Variants in ITGA6 observed in about 807,000 individuals in gnomAD.
The protein encoded by ITGA6 is integrin subunit alpha 6, also known as integrin alpha-6.
In ITGA6, 63 loss-of-function variants were observed where a neutral mutation model predicts 133.6. That is an observed-to-expected ratio of 0.47 (90% CI 0.38 to 0.58). The LOEUF (loss-of-function observed/expected upper bound fraction) is 0.58, where lower values mean the gene tolerates loss of function less well. Among genes scored for constraint, ITGA6 ranks in the 20% least tolerant of loss-of-function variants. The probability of loss-of-function intolerance (pLI) is 0.00; values close to 1 mark genes in which losing one functional copy is unlikely to be tolerated. For missense variants in ITGA6, 1,068 were observed against 1,309.4 expected (o/e 0.82, Z 2.85); for synonymous variants, 434 against 482.0 (o/e 0.90, Z 1.30).
Position 172,475,687 on chromosome 2 carries a change from T to A in ITGA6, c.1269+2T>A. 1 of 1,520,038 alleles carries A rather than the reference T, an allele frequency of 6.6e-7. No individual in the cohort carries two copies. The highest frequency in any genetic ancestry group is 9.1e-7 in the Non-Finnish European group (1 of 1,094,338). 94.2% of individuals were successfully genotyped at this position (1,520,038 alleles called of 1,614,324 possible). A position where few individuals can be genotyped will look rare whatever the true frequency, so the allele number is the denominator to read the frequency against. ...GGAATAAATACCAAACCAACACAGG[T>A]AACCAAATAACCGGGATTTCTACAG... On this transcript the variant is annotated splice_donor_variant, in intron 8 of 25. Transcript: ENST00000684293. LOFTEE classifies it high-confidence loss of function.
In ITGA6 at chr2:172,491,095, A is replaced by G. The variant is rs906310965; in HGVS notation, c.2751A>G (p.Leu917=). 6.4e-7 allele frequency: 1 copy of G among 1,570,482 alleles called. No homozygotes were observed. ...TAGATGATAACAGAAAATTTTCTTT[A>G]TTTGCTGAAAGAAAATACCAGACTC... ...KQIDDNRKFS[L]FAERKYQTLN... Residue 917 remains leucine (L), a synonymous_variant, in exon 21 of 26, where the codon TTA becomes TTG. Coordinates refer to ENST00000684293, the MANE Select transcript of ITGA6 (RefSeq NM_000210.4). This position sits in a 1 kb window ranked among gnomAD's most constrained non-coding sequence, Gnocchi z 4.4.
In ITGA6 at chr2:172,465,667, C is replaced by T. The variant is rs368230656; in HGVS notation, c.307+4C>T. 6.8e-6 allele frequency: 11 copies of T among 1,614,014 alleles called. No homozygotes were observed. The highest frequency in any genetic ancestry group is 6.7e-5 in the African/African-American group (5 of 74,942). ...CGGATCGAGTTTGATAACGATGGTG[C>T]GTTCCTTTCCCTCACTCAGCGTTCA... is the stretch of plus-strand genomic sequence containing the variant. On this transcript the variant is annotated splice_donor_region_variant and intron_variant, in intron 2 of 25. Transcript: ENST00000684293.
rs1372698008 is a variant in ITGA6 at position 172,427,939 on chromosome 2, C to A, written c.151C>A (p.His51Asn). The change falls in exon 1 of 26, where the codon CAC becomes AAC. Residue 51 changes from histidine (H) to asparagine (N), a missense_variant. His to Asn is a moderately conservative substitution (Grantham distance 68). Transcript: ENST00000684293. ...GSLFGFSLAM[H>N]WQLQPEDKRL... Reference sequence around the variant, plus strand: ...CCTCTTCGGCTTCTCGCTGGCCATGCACTGGCAACTGCAGCCCGAGGACAA... The same window carrying A: ...CCTCTTCGGCTTCTCGCTGGCCATGAACTGGCAACTGCAGCCCGAGGACAA... 2 of 1,606,768 alleles carry A rather than the reference C, an allele frequency of 1.2e-6. No individual in the cohort carries two copies. The highest frequency in any genetic ancestry group is 1.7e-6 in the Non-Finnish European group (2 of 1,177,062).
rs148506803 is a variant in ITGA6, at chr2:172,505,425, A to G, written c.*1357A>G. ...CAGTTAATCAGTGAGTCGATGTTCT[A>G]TTTTTTGTTTTGTTTCCTCCCCTAT... is the stretch of plus-strand genomic sequence containing the variant. On this transcript the variant is annotated 3_prime_UTR_variant, in exon 26 of 26. Coordinates refer to ENST00000684293, the MANE Select transcript of ITGA6 (RefSeq NM_000210.4). 13 of 152,228 alleles carry G rather than the reference A, an allele frequency of 8.5e-5. No homozygotes were observed. Among genetic ancestry groups the G allele is most frequent in the African/African-American group, 2.9e-4 (12 of 41,548 alleles). The allele number at this position is 152,228 out of a possible 1,614,324, so 9.4% of individuals were successfully genotyped here.
chr2:172,486,398 T>C (rs955709886), intron 13 of ITGA6, among the ~76,000 whole-genome samples: 2 of 152,138 alleles, frequency 1.3e-5, no homozygotes, highest in Non-Finnish European at 2.9e-5. Context: ...ATGTTAATAT[T>C]ACTTGTGTAC....
Position 172,481,061 on chromosome 2 carries a change from C to T in ITGA6, c.1549+1010C>T, listed in dbSNP as rs570512766. ...TGAAAAGAATGAGGAAATTCTCAACCCGGGTCCGGCCATGGTCCTGGCAGT... is the reference window on the plus strand; with the variant it reads ...TGAAAAGAATGAGGAAATTCTCAACTCGGGTCCGGCCATGGTCCTGGCAGT... On this transcript the variant is annotated intron_variant, in intron 11 of 25. Coordinates refer to ENST00000684293, the MANE Select transcript of ITGA6 (RefSeq NM_000210.4). 3.3e-5 allele frequency: 5 copies of T among 152,272 alleles called. No homozygotes were observed. The East Asian group carries it at 7.7e-4, about 23-fold the overall frequency. 9.4% of individuals were successfully genotyped at this position (152,272 alleles called of 1,614,324 possible).
At chr2:172,431,524 G>A (rs76264695) in intron 1 of ITGA6, among the ~76,000 whole-genome samples, 7,685 of 152,220 alleles carry the variant, frequency 0.05, 339 homozygotes, top group East Asian at 0.25. Context: ...TTCTGGGTCC[G>A]TCCTTCTTTG....
intron 1 of ITGA6, among the ~76,000 whole-genome samples, chr2:172,430,700 CTA>C (rs1479196855): frequency 1.3e-5 from 2 of 152,216 alleles, no homozygotes; most frequent in Non-Finnish European, 1.5e-5. Flanking sequence ...GCTTTGGAGA[CTA>C]TAAAATTGAA....
rs747097249 is a variant in ITGA6 at position 172,489,673 on chromosome 2, T to G, written c.2679+15T>G. On this transcript the variant is annotated intron_variant, in intron 20 of 25. Transcript: ENST00000684293. The stretch of plus-strand genomic sequence containing the variant: ...TGAACCTAACGGTATGTCGGTAGAT[T>G]TATCTAATGTCTCCATAAATGCAAA... The G allele has an allele frequency of 2.5e-6, 4 of 1,606,154 alleles. No homozygotes were observed. Among genetic ancestry groups the G allele is most frequent in the Non-Finnish European group, 3.4e-6 (4 of 1,173,122 alleles).
At chr2:172,430,490 CT>C (rs1684061919) in intron 1 of ITGA6, among the ~76,000 whole-genome samples, 3 of 152,132 alleles carry the variant, frequency 2.0e-5, no homozygotes, top group Non-Finnish European at 4.4e-5. Context: ...GAACAGAGGA[CT>C]TTGAGGAAGG....
chr2:172,443,284 A>G (rs1426671905), intron 1 of ITGA6, among the ~76,000 whole-genome samples: 4 of 152,186 alleles, frequency 2.6e-5, no homozygotes, highest in African/African-American at 7.2e-5. Flanking sequence ...ATCTCTGCAT[A>G]ATACTCAGTT....
At position 172,497,831 on chromosome 2, in the gene ITGA6, A is replaced by AG. The variant is rs1324455081; in HGVS notation, c.2989-142dup. The AG allele has an allele frequency of 1.1e-5, 9 of 797,610 alleles. No individual in the cohort carries two copies. The East Asian group carries it at 2.3e-4, about 20-fold the overall frequency. The allele number at this position is 797,610 out of a possible 1,614,324, so 49.4% of individuals were successfully genotyped here. ...TTGAAGCAATATTCTGTTAAGAGAA[A>AG]GGATCTTGCATCAGAAAGTCATCTC... is the stretch of plus-strand genomic sequence containing the variant. On this transcript the variant is annotated intron_variant, in intron 23 of 25. Transcript: ENST00000684293.
At chr2:172,471,575 C>T (rs902627387) in intron 5 of ITGA6, among the ~76,000 whole-genome samples, 6 of 152,212 alleles carry the variant, frequency 3.9e-5, no homozygotes, top group African/African-American at 1.4e-4. Context: ...GATTGTGGTT[C>T]TCCAAGGATT....
intron 1 of ITGA6, among the ~76,000 whole-genome samples, chr2:172,435,310 AGTT>A (rs1391280866): frequency 6.6e-6 from 1 of 152,026 alleles, no homozygotes; most frequent in African/African-American, 2.4e-5. Flanking sequence ...GAGAGTTTGG[AGTT>A]GTTCTGTTCT....
At chr2:172,452,117 G>A (rs1417013225) in intron 1 of ITGA6, among the ~76,000 whole-genome samples, 1 of 152,122 alleles carries the variant, frequency 6.6e-6, no homozygotes, top group African/African-American at 2.4e-5. Context: ...AGAAAGAGGT[G>A]GAATGTAGTC....
rs776554532 is a variant in ITGA6, at chr2:172,491,319, C to T, written c.2877C>T (p.Ser959=). The change falls in exon 22 of 26, where the codon AGC becomes AGT. Residue 959 remains serine, a synonymous_variant. Coordinates refer to ENST00000684293, the MANE Select transcript of ITGA6 (RefSeq NM_000210.4). The surrounding 1 kb of genome is among the most constrained non-coding windows in gnomAD (Gnocchi z 4.4). Reference sequence around the variant, plus strand: ...TTTTGCGCTCGAGGTTATGGAACAGCACATTTCTAGAGGTATGACCTTGGC... The same window carrying T: ...TTTTGCGCTCGAGGTTATGGAACAGTACATTTCTAGAGGTATGACCTTGGC... ...SLILRSRLWN[S]TFLEEYSKLN... 3 of 1,607,418 alleles carry T rather than the reference C, an allele frequency of 1.9e-6. No individual in the cohort carries two copies. The highest frequency in any genetic ancestry group is 2.2e-5 in the South Asian group (2 of 90,948).
rs1336185435 is a variant in ITGA6 at position 172,504,340 on chromosome 2, CCCTGAGGACTGAT to C, written c.*273_*285del. The C allele has an allele frequency of 2.0e-6, 2 of 983,792 alleles. No individual in the cohort carries two copies. Among genetic ancestry groups the C allele is most frequent in the African/African-American group, 3.3e-5 (2 of 60,796 alleles). The allele number at this position is 983,792 out of a possible 1,614,324, so 60.9% of individuals were successfully genotyped here. A position where few individuals can be genotyped will look rare whatever the true frequency, so the allele number is the denominator to read the frequency against. ...ATTTGGATTTAAAAGCCTGCTCAAT[CCCTGAGGACTGAT>C]TTCAGAGTGACTACACACAGTACGA... On this transcript the variant is annotated 3_prime_UTR_variant, in exon 26 of 26. Transcript: ENST00000684293.
Position 172,488,209 on chromosome 2 carries a change from T to G in ITGA6, c.2486T>G (p.Leu829Ter). ...AMKSEDEVGS[L>*]IEYEFRVINL... The stretch of plus-strand genomic sequence containing the variant: ...AAATCTGAAGATGAAGTGGGAAGTT[T>G]AATAGAGTATGAATTCAGGGTAAGT... The change falls in exon 19 of 26, where the codon TTA becomes TGA. Residue 829 changes from leucine to a stop codon, truncating the protein, a stop_gained. Transcript: ENST00000684293. LOFTEE classifies it high-confidence loss of function. 1 of 1,612,836 alleles carries G rather than the reference T, an allele frequency of 6.2e-7. No homozygotes were observed. Among genetic ancestry groups the G allele is most frequent in the Non-Finnish European group, 8.5e-7 (1 of 1,178,868 alleles).
intron 9 of ITGA6, among the ~76,000 whole-genome samples, chr2:172,477,809 G>T (rs1465957767): frequency 6.6e-6 from 1 of 152,176 alleles, no homozygotes; most frequent in Non-Finnish European, 1.5e-5. Context: ...AGCTTTTAAG[G>T]CTGGAGCCTG....
Sources: gnomAD v4.1 joint callset for allele counts (sites outside exome capture counted in the v4.1 genomes callset) on GRCh38, gnomAD v4.1.1 for gene constraint, Gnocchi (gnomAD v3.1) non-coding constraint, MANE v1.5 for transcripts, NCBI Gene and HGNC (gene_info 2026-07-23, HGNC 2026-07-21) for gene names.